DUSP26: variants seen among roughly 807,000 people sequenced by gnomAD.
DUSP26 encodes dual specificity phosphatase 26.
DUSP26 carries 12 observed loss-of-function variants against 20.0 expected under a neutral mutation model. The ratio of observed to expected loss-of-function variants is 0.60; its 90% CI spans 0.38 to 0.97. DUSP26 has a LOEUF of 0.97. Among genes scored for constraint, DUSP26 ranks in the 50% least tolerant of loss-of-function variants. The pLI is 0.00. For missense variants in DUSP26, 230 were observed against 294.0 expected (o/e 0.78, Z 1.59); for synonymous variants, 120 against 118.8 (o/e 1.01, Z -0.06).
rs753947633 is a variant in DUSP26 at position 33,592,042 on chromosome 8, G to A, written c.607C>T (p.Arg203Cys). 17 of 1,613,834 alleles carry A rather than the reference G, an allele frequency of 1.1e-5. No individual in the cohort carries two copies. Among genetic ancestry groups the A allele is most frequent in the Middle Eastern group, 1.7e-4 (1 of 6,056 alleles). Residue 203 changes from arginine (R) to cysteine (C), a missense_variant, in exon 4 of 4, where the codon CGC (arginine) becomes TGC (cysteine). Physicochemically the swap from Arg to Cys is radical, Grantham distance 180. Coordinates refer to ENST00000256261, the MANE Select transcript of DUSP26 (RefSeq NM_024025.3). ...GCTTCCAGACCCTGCCGCAGCCTGC[G>A]GTCCAGGGCCAGGAGCTGCCTCAGG... The part of the protein sequence containing the change: ...GFLRQLLALD[R>C]RLRQGLEA
chr8:33,598,171 G>A (rs753713603), intron 1 of DUSP26, among the ~76,000 whole-genome samples: 3 of 152,108 alleles, frequency 2.0e-5, no homozygotes, highest in Non-Finnish European at 4.4e-5. Context: ...TATGGGAAGG[G>A]TGTGGTGGGG....
intron 3 of DUSP26, among the ~76,000 whole-genome samples, chr8:33,592,476 C>T (rs1200812896): frequency 2.2e-5 from 3 of 133,910 alleles, no homozygotes; most frequent in African/African-American, 8.4e-5. Flanking sequence ...GAGGCTGAGG[C>T]TGCAGTGAGC....
intron 2 of DUSP26, among the ~76,000 whole-genome samples, chr8:33,595,700 G>A (rs946686231): frequency 2.4e-4 from 37 of 152,078 alleles, no homozygotes; most frequent in Admixed American, 2.0e-3. Context: ...GTTTTATGAC[G>A]TCACCTTCAG....
At chr8:33,596,325 C>T (rs190616667) in intron 2 of DUSP26, among the ~76,000 whole-genome samples, 42 of 151,384 alleles carry the variant, frequency 2.8e-4, no homozygotes, top group Middle Eastern at 3.4e-3. Flanking sequence ...CACCTATAAT[C>T]CTAGCACTTT....
chr8:33,597,776 GC>G lies in DUSP26; in HGVS notation c.-76-186del, dbSNP rs1391024949. The G allele has an allele frequency of 4.7e-5, 20 of 427,536 alleles. No homozygotes were observed. The East Asian group carries it at 8.3e-4, about 18-fold the overall frequency. 26.5% of individuals were successfully genotyped at this position (427,536 alleles called of 1,614,324 possible). A position where few individuals can be genotyped will look rare whatever the true frequency, so the allele number is the denominator to read the frequency against. ...TCCTTTTGCTCAGCTCTTTGGCTCTGCCACGAAACGAGGTGGGAGAGTCACA... is the reference window on the plus strand; with the variant it reads ...TCCTTTTGCTCAGCTCTTTGGCTCTGCACGAAACGAGGTGGGAGAGTCACA... On this transcript the variant is annotated intron_variant, in intron 1 of 3. Coordinates refer to ENST00000256261, the MANE Select transcript of DUSP26 (RefSeq NM_024025.3).
chr8:33,594,701 C>G (rs923756370), intron 2 of DUSP26, among the ~76,000 whole-genome samples: 1 of 151,696 alleles, frequency 6.6e-6, no homozygotes, highest in Non-Finnish European at 1.5e-5. Flanking sequence ...GGAATTAAAG[C>G]CCCAGGGAAG....
In DUSP26 at chr8:33,593,738, A is replaced by G. The variant is rs1368461586; in HGVS notation, c.231T>C (p.Ala77=). The G allele has an allele frequency of 6.2e-7, 1 of 1,614,158 alleles. No individual in the cohort carries two copies. Among genetic ancestry groups the G allele is most frequent in the Admixed American group, 1.7e-5 (1 of 60,022 alleles). Residue 77 remains alanine, a synonymous_variant, in exon 3 of 4, where the codon GCT becomes GCC. Transcript: ENST00000256261. Reference sequence around the variant, plus strand: ...GGCGGCGAAGCTCCCGGCGGTTGTTAGCCATGTCCCTGCATTGAGTAGAGG... The same window carrying G: ...GGCGGCGAAGCTCCCGGCGGTTGTTGGCCATGTCCCTGCATTGAGTAGAGG... ...PGLYLGDQDM[A]NNRRELRRLG... is the part of the protein sequence containing the mutation.
At chr8:33,597,250 AAC>A (rs749789957) in intron 2 of DUSP26, 43 bp downstream of exon 2, 23 of 1,532,640 alleles carry the variant, frequency 1.5e-5, no homozygotes, top group Non-Finnish European at 1.8e-5. Flanking sequence ...TACACACACA[AAC>A]ACACACACGC....
At chr8:33,596,809 C>T (rs891472522) in intron 2 of DUSP26, among the ~76,000 whole-genome samples, 1 of 152,148 alleles carries the variant, frequency 6.6e-6, no homozygotes, top group South Asian at 2.1e-4. Flanking sequence ...TGCCTTTTCC[C>T]AGAGACATTG....
At position 33,597,523 on chromosome 8, in the gene DUSP26, G is replaced by A; in HGVS notation, c.-8C>T. 6.2e-7 allele frequency: 1 copy of A among 1,601,454 alleles called. No individual in the cohort carries two copies. The highest frequency in any genetic ancestry group is 8.5e-7 in the Non-Finnish European group (1 of 1,173,684). The stretch of plus-strand genomic sequence containing the variant: ...CCAGTTACCAGGGCACATCTTAGAG[G>A]TGGCAGAAACCGTGGCAGCTGCAGG... On this transcript the variant is annotated 5_prime_UTR_variant, in exon 2 of 4. Transcript: ENST00000256261.
chr8:33,594,915 G>A (rs1239289800), intron 2 of DUSP26, among the ~76,000 whole-genome samples: 1 of 151,930 alleles, frequency 6.6e-6, no homozygotes, highest in Non-Finnish European at 1.5e-5. Flanking sequence ...GTAGAGATGG[G>A]ATTTCATCGT....
chr8:33,599,947 G>C lies in DUSP26; in HGVS notation c.-359C>G, dbSNP rs1347680418. On this transcript the variant is annotated 5_prime_UTR_variant, in exon 1 of 4. Coordinates refer to ENST00000256261, the MANE Select transcript of DUSP26 (RefSeq NM_024025.3). ...CCCCCACGAGCCCGCGCGCCTTGCA[G>C]ACCAGACACGGCCCCGCCGAGCCCC... 1 of 152,242 alleles carries C rather than the reference G, an allele frequency of 6.6e-6. No individual in the cohort carries two copies. Among genetic ancestry groups the C allele is most frequent in the Admixed American group, 6.5e-5 (1 of 15,282 alleles). The allele number at this position is 152,242 out of a possible 1,614,324, so 9.4% of individuals were successfully genotyped here.
At chr8:33,592,430 G>A (rs1375577008) in intron 3 of DUSP26, among the ~76,000 whole-genome samples, 1 of 151,074 alleles carries the variant, frequency 6.6e-6, no homozygotes, top group Non-Finnish European at 1.5e-5. Flanking sequence ...AATCAACTGG[G>A]CGTGGTGGCC....
At chr8:33,593,885 A>G in intron 2 of DUSP26, 138 bp from the exon 3 acceptor site, 2 of 999,008 alleles carry the variant, frequency 2.0e-6, no homozygotes, top group Admixed American at 2.4e-5. Flanking sequence ...TTCCTAGGCC[A>G]GAGTGCTCAC....
intron 1 of DUSP26, among the ~76,000 whole-genome samples, chr8:33,598,578 G>A (rs537624545): frequency 4.1e-4 from 62 of 152,190 alleles, no homozygotes; most frequent in African/African-American, 1.5e-3. Context: ...CAGAGGCTTA[G>A]AATTACCAAC....
rs909678237 is a variant in DUSP26 at position 33,591,901 on chromosome 8, A to AG, written c.*111dup. The AG allele has an allele frequency of 8.9e-5, 114 of 1,280,970 alleles. No individual in the cohort carries two copies. The highest frequency in any genetic ancestry group is 1.1e-4 in the Non-Finnish European group (98 of 923,942). 79.4% of individuals were successfully genotyped at this position (1,280,970 alleles called of 1,614,324 possible). A position where few individuals can be genotyped will look rare whatever the true frequency, so the allele number is the denominator to read the frequency against. ...CTGGGGCTCGGCCTCTCCTGACCCC[A>AG]GGGGAGGATGGGTGATCTGGGCCTC... On this transcript the variant is annotated 3_prime_UTR_variant, in exon 4 of 4. Coordinates refer to ENST00000256261, the MANE Select transcript of DUSP26 (RefSeq NM_024025.3).
rs761315485 is a variant in DUSP26, at chr8:33,592,176, C to T, written c.473G>A (p.Arg158Gln). 3.7e-6 allele frequency: 6 copies of T among 1,613,326 alleles called. No individual in the cohort carries two copies. Among genetic ancestry groups the T allele is most frequent in the African/African-American group, 1.3e-5 (1 of 74,878 alleles). ...GTAGGCCAGTACCAGGGTGGCGGATCGGCTCACGCCCACAGCACAATGCAC... is the reference window on the plus strand; with the variant it reads ...GTAGGCCAGTACCAGGGTGGCGGATTGGCTCACGCCCACAGCACAATGCAC... ...ILVHCAVGVS[R>Q]SATLVLAYLM... Residue 158 changes from arginine to glutamine, a missense_variant, in exon 4 of 4, where the codon CGA becomes CAA. Transcript: ENST00000256261.
Position 33,591,750 on chromosome 8 carries a change from G to A in DUSP26, c.*263C>T, listed in dbSNP as rs1043889564. 1.0e-5 allele frequency: 5 copies of A among 495,992 alleles called. No homozygotes were observed. The highest frequency in any genetic ancestry group is 1.8e-5 in the Non-Finnish European group (5 of 276,112). The allele number at this position is 495,992 out of a possible 1,614,324, so 30.7% of individuals were successfully genotyped here. On this transcript the variant is annotated 3_prime_UTR_variant, in exon 4 of 4. Coordinates refer to ENST00000256261, the MANE Select transcript of DUSP26 (RefSeq NM_024025.3). ...CCCTGGCCAGATCCCAGCGGTGTTCGAATCCCAGGACCATCTTCCATCTAC... is the reference window on the plus strand; with the variant it reads ...CCCTGGCCAGATCCCAGCGGTGTTCAAATCCCAGGACCATCTTCCATCTAC...
Position 33,597,425 on chromosome 8 carries a change from T to C in DUSP26, c.91A>G (p.Thr31Ala). 1.2e-6 allele frequency: 2 copies of C among 1,613,964 alleles called. No individual in the cohort carries two copies. Among genetic ancestry groups the C allele is most frequent in the Non-Finnish European group, 1.7e-6 (2 of 1,180,006 alleles). Residue 31 changes from threonine (T) to alanine (A), a missense_variant, in exon 2 of 4, where the codon ACC (threonine) becomes GCC (alanine). Coordinates refer to ENST00000256261, the MANE Select transcript of DUSP26 (RefSeq NM_024025.3). Reference protein sequence around the residue: ...SSRSPVRTRGTLEEMPTVQHP... With the variant: ...SSRSPVRTRGALEEMPTVQHP... Reference sequence around the variant, plus strand: ...TGAACGGTTGGCATCTCCTCCAGGGTCCCTCGAGTTCGAACAGGAGACCTT... The same window carrying C: ...TGAACGGTTGGCATCTCCTCCAGGGCCCCTCGAGTTCGAACAGGAGACCTT...
Sources: allele counts gnomAD v4.1 joint callset (sites outside exome capture counted in the v4.1 genomes callset), GRCh38; gene constraint gnomAD v4.1.1; transcripts MANE v1.5; gene names NCBI Gene and HGNC (gene_info 2026-07-23, HGNC 2026-07-21).